The following ARSB variants were observed in gnomAD, a reference collection of about 807,000 sequenced individuals.
ARSB encodes N-acetylgalactosamine-4-sulfatase.
ARSB carries 41 observed loss-of-function variants against 50.9 expected under a neutral mutation model. The observed-to-expected ratio is 0.81, with a 90% confidence interval of 0.63 to 1.04. The LOEUF (loss-of-function observed/expected upper bound fraction) is 1.04. Ranked by LOEUF, ARSB falls within the 50% of genes least tolerant of loss-of-function variation. ARSB has a pLI of 0.00. For missense variants in ARSB, 672 were observed against 693.3 expected, an observed-to-expected ratio of 0.97 and a Z score of 0.35; for synonymous variants, 269 against 284.8, an observed-to-expected ratio of 0.94 and a Z score of 0.56.
chr5:78,801,016 G>A (rs1743374814), intron 6 of ARSB, among the ~76,000 whole-genome samples: 1 of 149,918 alleles, frequency 6.7e-6, no homozygotes, highest in South Asian at 2.1e-4. Context: ...TGGCTGGCTT[G>A]AGGAGGACAA....
chr5:78,864,082 G>T (rs1231408327), intron 5 of ARSB, among the ~76,000 whole-genome samples: 1 of 151,816 alleles, frequency 6.6e-6, no homozygotes. Context: ...GTGAAGTGAG[G>T]AAACAACCCT....
chr5:78,975,197 C>G (rs970812345), intron 1 of ARSB, among the ~76,000 whole-genome samples: 2 of 152,216 alleles, frequency 1.3e-5, no homozygotes, highest in African/African-American at 4.8e-5. Flanking sequence ...GGCCAGCAGG[C>G]GAGGAGCAGG....
At chr5:78,946,507 T>G (rs1751239722) in intron 4 of ARSB, among the ~76,000 whole-genome samples, 1 of 152,168 alleles carries the variant, frequency 6.6e-6, no homozygotes, top group Admixed American at 6.5e-5. Flanking sequence ...GTTATCCCTT[T>G]TACAATAGCT....
intron 4 of ARSB, among the ~76,000 whole-genome samples, chr5:78,942,588 T>C (rs1159065102): frequency 2.0e-5 from 3 of 152,342 alleles, no homozygotes; most frequent in South Asian, 4.1e-4. Context: ...TGTAGTTGAA[T>C]GGTTTTGAGT....
At chr5:78,930,526 CA>C (rs59712711) in intron 4 of ARSB, among the ~76,000 whole-genome samples, 1 of 151,766 alleles carries the variant, frequency 6.6e-6, no homozygotes, top group African/African-American at 2.4e-5. Context: ...AAGAAAAATA[CA>C]AAAAAAGATC....
At chr5:78,846,184 TAGGCTATACATAC>T (rs1328415584) in intron 5 of ARSB, among the ~76,000 whole-genome samples, 1 of 152,174 alleles carries the variant, frequency 6.6e-6, no homozygotes, top group Non-Finnish European at 1.5e-5. Flanking sequence ...CAAGGATCAG[TAGGCTATACATAC>T]ACGAATTTAT....
chr5:78,881,011 C>T (rs970707008), intron 5 of ARSB, among the ~76,000 whole-genome samples: 2 of 152,156 alleles, frequency 1.3e-5, no homozygotes, highest in Admixed American at 6.5e-5. Flanking sequence ...GCAGGTGGAT[C>T]ACTTGAGGCC....
intron 4 of ARSB, among the ~76,000 whole-genome samples, chr5:78,926,776 G>A (rs1404838285): frequency 1.3e-5 from 2 of 152,206 alleles, no homozygotes; most frequent in Non-Finnish European, 2.9e-5. Context: ...CTGCAATTAT[G>A]AAGCTACCAT....
chr5:78,867,082 T>C (rs1250428032), intron 5 of ARSB, among the ~76,000 whole-genome samples: 1 of 152,030 alleles, frequency 6.6e-6, no homozygotes, highest in Non-Finnish European at 1.5e-5. Flanking sequence ...ATCGGGTCAC[T>C]CCCACCCGAA....
intron 1 of ARSB, among the ~76,000 whole-genome samples, chr5:78,978,592 T>C (rs1168634278): frequency 2.6e-5 from 4 of 152,186 alleles, no homozygotes; most frequent in Non-Finnish European, 5.9e-5. Context: ...ACTTGCATTT[T>C]CTAATTCTGA....
chr5:78,807,753 C>T (rs1025070417), intron 6 of ARSB, among the ~76,000 whole-genome samples: 1 of 152,098 alleles, frequency 6.6e-6, no homozygotes, highest in Non-Finnish European at 1.5e-5. Context: ...ATCCAAGAAA[C>T]GAGGGGATGA....
intron 5 of ARSB, among the ~76,000 whole-genome samples, chr5:78,862,428 T>A (rs548962316): frequency 6.6e-6 from 1 of 152,160 alleles, no homozygotes; most frequent in African/African-American, 2.4e-5. Context: ...TATAGACCAA[T>A]GGAACAGAAC....
chr5:78,981,627 A>C (rs1281787965), intron 1 of ARSB, among the ~76,000 whole-genome samples: 1 of 152,260 alleles, frequency 6.6e-6, no homozygotes, highest in African/African-American at 2.4e-5. Context: ...TCTAGAGTTC[A>C]GCCCAACTCC....
intron 6 of ARSB, among the ~76,000 whole-genome samples, chr5:78,786,125 C>A (rs1419640310): frequency 6.6e-6 from 1 of 152,234 alleles, no homozygotes; most frequent in East Asian, 1.9e-4. Context: ...CAGAAAGAAA[C>A]CCTGCACCAT....
intron 4 of ARSB, among the ~76,000 whole-genome samples, chr5:78,913,081 T>C (rs1198834819): frequency 1.3e-5 from 2 of 151,672 alleles, no homozygotes; most frequent in Non-Finnish European, 2.9e-5. Flanking sequence ...AGCCAAAAAC[T>C]GTGATGAGAA....
chr5:78,804,837 TC>T (rs1743508976), intron 6 of ARSB, among the ~76,000 whole-genome samples: 1 of 152,196 alleles, frequency 6.6e-6, no homozygotes, highest in Admixed American at 6.5e-5. Context: ...TGCCCCGTGC[TC>T]CATGCATCTT....
chr5:78,900,636 T>C (rs977140137), intron 4 of ARSB, among the ~76,000 whole-genome samples: 8 of 152,172 alleles, frequency 5.3e-5, no homozygotes, highest in Non-Finnish European at 1.2e-4. Flanking sequence ...AAAATCTCAA[T>C]GCTATATATT....
intron 6 of ARSB, among the ~76,000 whole-genome samples, chr5:78,787,097 T>TCTATCTAC (rs1561424310): frequency 6.8e-6 from 1 of 147,182 alleles, no homozygotes; most frequent in African/African-American, 2.6e-5. Context: ...TAACCATCTA[T>TCTATCTAC]CTATCTATCT....
At chr5:78,876,314 G>A (rs543412601) in intron 5 of ARSB, among the ~76,000 whole-genome samples, 2 of 152,268 alleles carry the variant, frequency 1.3e-5, no homozygotes, top group South Asian at 4.1e-4. Context: ...GTGAGAAATA[G>A]GCAAGAAAAT....
Sources: gnomAD v4.1 joint callset for allele counts (sites outside exome capture counted in the v4.1 genomes callset) on GRCh38, gnomAD v4.1.1 for gene constraint, MANE v1.5 for transcripts, NCBI Gene and HGNC (gene_info 2026-07-23, HGNC 2026-07-21) for gene names.